The following LSAMP variants were observed in gnomAD, a reference collection of about 807,000 sequenced individuals.
The protein encoded by LSAMP is limbic system associated membrane protein.
In LSAMP, 7 loss-of-function variants were observed where a neutral mutation model predicts 38.6. The ratio of observed to expected loss-of-function variants is 0.18; its 90% CI spans 0.10 to 0.34. LSAMP has a LOEUF of 0.34. Among genes scored for constraint, LSAMP ranks in the 10% least tolerant of loss-of-function variants. The pLI is 1.00. For missense variants in LSAMP, 313 were observed against 420.0 expected, an observed-to-expected ratio of 0.75 and a Z score of 2.23; for synonymous variants, 154 against 166.8, an observed-to-expected ratio of 0.92 and a Z score of 0.59.
intron 1 of LSAMP, among the ~76,000 whole-genome samples, chr3:116,349,296 T>C (rs2048105758): frequency 6.6e-6 from 1 of 152,056 alleles, no homozygotes; most frequent in South Asian, 2.1e-4. Context: ...TTAGAATAAT[T>C]AAGTATGATG....
At chr3:116,292,985 C>T (rs1019989030) in intron 1 of LSAMP, among the ~76,000 whole-genome samples, 4 of 152,144 alleles carry the variant, frequency 2.6e-5, no homozygotes, top group Admixed American at 6.5e-5. Context: ...GAAGCAGAAA[C>T]TATTTCTTTC....
intron 1 of LSAMP, among the ~76,000 whole-genome samples, chr3:116,106,995 G>A (rs28882748): frequency 0.011 from 1,629 of 152,238 alleles, 32 homozygotes; most frequent in African/African-American, 0.036. Context: ...TCTAAGAGGT[G>A]GGCTAGTGGC....
intron 3 of LSAMP, among the ~76,000 whole-genome samples, chr3:115,918,634 A>G (rs1366140877): frequency 6.6e-6 from 1 of 151,744 alleles, no homozygotes; most frequent in Non-Finnish European, 1.5e-5. Flanking sequence ...TGCAACTCTC[A>G]GTGGCTGCTT....
chr3:115,982,963 G>T (rs1939407745), intron 3 of LSAMP, among the ~76,000 whole-genome samples: 1 of 140,508 alleles, frequency 7.1e-6, no homozygotes, highest in African/African-American at 2.6e-5. Flanking sequence ...TCCAGTCTAA[G>T]GCAAAGTATG....
intron 3 of LSAMP, among the ~76,000 whole-genome samples, chr3:115,928,216 A>G (rs983330996): frequency 6.6e-6 from 1 of 152,198 alleles, no homozygotes; most frequent in African/African-American, 2.4e-5. Flanking sequence ...TGGTCTTTTT[A>G]CTTTTTACTT....
chr3:115,926,188 G>A (rs1937495138), intron 3 of LSAMP, among the ~76,000 whole-genome samples: 1 of 152,140 alleles, frequency 6.6e-6, no homozygotes, highest in Non-Finnish European at 1.5e-5. Flanking sequence ...TCTGGGCACG[G>A]CACTTAAAGA....
Position 116,164,755 on chromosome 3 carries a change from TATATA to T in LSAMP, c.156-78204_156-78200del, listed in dbSNP as rs1428742662. ...ATATATATATATCCATATATATATA[TATATA>T]TTTTTTTTTTTTTTCAAGTAGCATC... is the stretch of plus-strand genomic sequence containing the variant. On this transcript the variant is annotated intron_variant, in intron 1 of 6. Transcript: ENST00000490035. Among the ~76,000 whole-genome samples the T allele has an allele frequency of 6.3e-3, 351 of 56,124 alleles. 16 individuals carry two copies. The highest frequency in any genetic ancestry group is 0.018 in the South Asian group (27 of 1,492). The allele number at this position is 56,124 out of a possible 152,430, so 36.8% of individuals were successfully genotyped here. A position where few individuals can be genotyped will look rare whatever the true frequency, so the allele number is the denominator to read the frequency against.
chr3:116,378,213 T>A (rs908365485), intron 1 of LSAMP, among the ~76,000 whole-genome samples: 1 of 152,056 alleles, frequency 6.6e-6, no homozygotes, highest in Non-Finnish European at 1.5e-5. Context: ...CCTGTGGCCA[T>A]GCTCAGTTCC....
chr3:116,264,701 A>G (rs1010032236), intron 1 of LSAMP, among the ~76,000 whole-genome samples: 1 of 152,124 alleles, frequency 6.6e-6, no homozygotes, highest in Non-Finnish European at 1.5e-5. Flanking sequence ...TCCTGGGCTC[A>G]AGCAATCCTC....
At chr3:115,992,194 C>T (rs1939690289) in intron 3 of LSAMP, among the ~76,000 whole-genome samples, 1 of 151,940 alleles carries the variant, frequency 6.6e-6, no homozygotes, top group Non-Finnish European at 1.5e-5. Context: ...TCCCCAGCCC[C>T]CAGCTCCAAC....
chr3:116,031,603 A>G (rs967040137), intron 2 of LSAMP, among the ~76,000 whole-genome samples: 44 of 89,220 alleles, frequency 4.9e-4, no homozygotes, highest in African/African-American at 2.0e-3. Context: ...TGCTTAAGGC[A>G]TACAGTGTTC....
intron 1 of LSAMP, among the ~76,000 whole-genome samples, chr3:116,342,807 T>A (rs764635011): frequency 8.5e-5 from 13 of 152,118 alleles, no homozygotes; most frequent in Non-Finnish European, 1.6e-4. Flanking sequence ...GTCCAAGATA[T>A]GCTCTATTGG....
chr3:116,280,330 C>A (rs961397370), intron 1 of LSAMP, among the ~76,000 whole-genome samples: 6 of 152,130 alleles, frequency 3.9e-5, no homozygotes, highest in Non-Finnish European at 5.9e-5. Flanking sequence ...TCACATGACC[C>A]CTGAGCAGAC....
chr3:116,107,750 G>T (rs1485035584), intron 1 of LSAMP, among the ~76,000 whole-genome samples: 1 of 152,170 alleles, frequency 6.6e-6, no homozygotes, highest in Non-Finnish European at 1.5e-5. Flanking sequence ...AAGTGAAAGC[G>T]AAGAGAGGCT....
At chr3:116,243,543 T>G (rs557259156) in intron 1 of LSAMP, among the ~76,000 whole-genome samples, 1 of 152,346 alleles carries the variant, frequency 6.6e-6, no homozygotes, top group South Asian at 2.1e-4. Flanking sequence ...TTCAAAATTT[T>G]CTAAGTTCTC....
chr3:116,444,800 AC>A lies in LSAMP; in HGVS notation c.155+76del. ...TCAAGGAGATCAGACACACACACAC[AC>A]ACACACACAAACACACACACACACA... On this transcript the variant is annotated intron_variant, in intron 1 of 6. Coordinates refer to ENST00000490035, the MANE Select transcript of LSAMP (RefSeq NM_002338.5). 9.3e-6 allele frequency: 14 copies of A among 1,513,368 alleles called. No individual in the cohort carries two copies. In the East Asian group the frequency reaches 3.1e-4, roughly 33 times the overall value. 93.7% of individuals were successfully genotyped at this position (1,513,368 alleles called of 1,614,324 possible).
At chr3:115,948,205 A>C (rs1938166171) in intron 3 of LSAMP, among the ~76,000 whole-genome samples, 2 of 152,228 alleles carry the variant, frequency 1.3e-5, no homozygotes, top group South Asian at 4.1e-4. Flanking sequence ...TAACAAAGAC[A>C]AAATTTTATT....
At chr3:115,875,130 T>C (rs1464642970) in intron 3 of LSAMP, among the ~76,000 whole-genome samples, 1 of 152,122 alleles carries the variant, frequency 6.6e-6, no homozygotes, top group Non-Finnish European at 1.5e-5. Flanking sequence ...ATCTACTACT[T>C]TCAATCCCAA....
intron 1 of LSAMP, among the ~76,000 whole-genome samples, chr3:116,166,266 C>CA (rs1233401606): frequency 6.6e-6 from 1 of 152,230 alleles, no homozygotes; most frequent in African/African-American, 2.4e-5. Flanking sequence ...GTGCCAGGCA[C>CA]AGTTCTAAGT....
Sources: gnomAD v4.1 joint callset for allele counts (sites outside exome capture counted in the v4.1 genomes callset) on GRCh38, gnomAD v4.1.1 for gene constraint, MANE v1.5 for transcripts, NCBI Gene and HGNC (gene_info 2026-07-23, HGNC 2026-07-21) for gene names.